Variants in CSMD1 observed in about 807,000 individuals in gnomAD.
CSMD1 encodes the protein CUB and Sushi multiple domains 1.
CSMD1 carries 213 observed loss-of-function variants against 417.5 expected under a neutral mutation model. The observed-to-expected ratio is 0.51, with a 90% CI of 0.46 to 0.57. The LOEUF is 0.57. Among genes scored for constraint, CSMD1 ranks in the 20% least tolerant of loss-of-function variants. The pLI is 0.00. For missense variants in CSMD1, 6,923 were observed against 4,529.7 expected, an observed-to-expected ratio of 1.53 and a Z score of -15.17; for synonymous variants, 2,862 against 1,736.8, an observed-to-expected ratio of 1.65 and a Z score of -16.11.
chr8:3,360,946 T>G (rs1809122654), intron 20 of CSMD1, among the ~76,000 whole-genome samples: 2 of 152,104 alleles, frequency 1.3e-5, no homozygotes, highest in African/African-American at 4.8e-5. Context: ...TATGGAACTC[T>G]GTACCTAAAC....
At chr8:3,773,342 G>A (rs1798719196) in intron 5 of CSMD1, among the ~76,000 whole-genome samples, 1 of 152,262 alleles carries the variant, frequency 6.6e-6, no homozygotes, top group East Asian at 1.9e-4. Context: ...GGAGTGCAGT[G>A]GTGCACTCTC....
intron 10 of CSMD1, among the ~76,000 whole-genome samples, chr8:3,517,005 T>G (rs1410513977): frequency 6.6e-6 from 1 of 152,144 alleles, no homozygotes; most frequent in African/African-American, 2.4e-5. Flanking sequence ...GGGCACTGGT[T>G]AGGTGTCATG....
chr8:3,098,191 G>C (rs576564997), intron 46 of CSMD1, among the ~76,000 whole-genome samples: 3 of 152,154 alleles, frequency 2.0e-5, no homozygotes, highest in Non-Finnish European at 2.9e-5. Flanking sequence ...TACTTGTAGA[G>C]TGTTAAGAGT....
intron 1 of CSMD1, among the ~76,000 whole-genome samples, chr8:4,715,710 A>G (rs73659192): frequency 2.0e-5 from 3 of 152,204 alleles, no homozygotes; most frequent in South Asian, 2.1e-4. Flanking sequence ...CTCAAACACC[A>G]AGGTATCACC....
At chr8:4,332,158 A>G (rs143633434) in intron 3 of CSMD1, among the ~76,000 whole-genome samples, 35 of 152,264 alleles carry the variant, frequency 2.3e-4, no homozygotes, top group African/African-American at 7.5e-4. Context: ...TGCTTAGGTC[A>G]TGGAGCAAAC....
chr8:4,200,785 G>T (rs781692804), intron 3 of CSMD1, among the ~76,000 whole-genome samples: 2 of 152,186 alleles, frequency 1.3e-5, no homozygotes, highest in East Asian at 1.9e-4. Context: ...TTTGTTAATG[G>T]AGACGGAGGC....
intron 5 of CSMD1, among the ~76,000 whole-genome samples, chr8:3,908,902 C>G (rs1033013810): frequency 2.0e-5 from 3 of 152,184 alleles, no homozygotes; most frequent in Non-Finnish European, 4.4e-5. Context: ...AGAGGAAGAT[C>G]ACTCATGCAT....
chr8:4,279,927 G>A (rs144415241), intron 3 of CSMD1, among the ~76,000 whole-genome samples: 62 of 152,216 alleles, frequency 4.1e-4, no homozygotes, highest in African/African-American at 1.4e-3. Context: ...ATTAAGCAAA[G>A]ATACAAATCA....
chr8:3,087,402 A>G, intron 48 of CSMD1, 117 bp from the exon 49 acceptor site: 3 of 1,047,204 alleles, frequency 2.9e-6, no homozygotes, highest in Non-Finnish European at 2.9e-6. Flanking sequence ...GTAGGAAATG[A>G]GCACCAGTAT....
intron 2 of CSMD1, among the ~76,000 whole-genome samples, chr8:4,479,977 A>AT (rs1444603468): frequency 0.012 from 1,879 of 151,672 alleles, 36 homozygotes; most frequent in African/African-American, 0.043. Context: ...AAAAAAAAAA[A>AT]AAATAAAAAG....
chr8:4,498,586 T>A (rs1322896350), intron 2 of CSMD1, among the ~76,000 whole-genome samples: 1 of 152,212 alleles, frequency 6.6e-6, no homozygotes, highest in South Asian at 2.1e-4. Context: ...GATGATTCAA[T>A]TATAAAATAG....
At chr8:4,618,518 T>C (rs1157987620) in intron 2 of CSMD1, among the ~76,000 whole-genome samples, 1 of 152,140 alleles carries the variant, frequency 6.6e-6, no homozygotes, top group Non-Finnish European at 1.5e-5. Context: ...AGTTTTTCTC[T>C]AGCTCTGTGT....
At chr8:4,266,482 A>G (rs1306594801) in intron 3 of CSMD1, among the ~76,000 whole-genome samples, 1 of 104,934 alleles carries the variant, frequency 9.5e-6, no homozygotes, top group Admixed American at 9.0e-5. Flanking sequence ...GATAAAATTT[A>G]TAACTCTGTC....
chr8:4,253,613 G>C (rs1803235722), intron 3 of CSMD1, among the ~76,000 whole-genome samples: 1 of 152,122 alleles, frequency 6.6e-6, no homozygotes, highest in African/African-American at 2.4e-5. Context: ...TATCTGTCAA[G>C]TAAAAGACTG....
At chr8:3,832,828 A>T (rs531239099) in intron 5 of CSMD1, among the ~76,000 whole-genome samples, 2 of 152,306 alleles carry the variant, frequency 1.3e-5, no homozygotes, top group Admixed American at 1.3e-4. Flanking sequence ...AATAAAAATC[A>T]ATTTGTATGG....
intron 39 of CSMD1, among the ~76,000 whole-genome samples, chr8:3,157,300 C>T (rs148121305): frequency 6.6e-6 from 1 of 152,132 alleles, no homozygotes; most frequent in Non-Finnish European, 1.5e-5. Context: ...CCACCACCTT[C>T]AATGCCCCTG....
At chr8:4,862,460 A>G (rs1802194051) in intron 1 of CSMD1, among the ~76,000 whole-genome samples, 2 of 152,090 alleles carry the variant, frequency 1.3e-5, no homozygotes, top group East Asian at 3.9e-4. Context: ...GACTACATTA[A>G]AAGTAAAAAG....
chr8:4,472,591 A>G (rs1161779245), intron 2 of CSMD1, among the ~76,000 whole-genome samples: 1 of 152,130 alleles, frequency 6.6e-6, no homozygotes, highest in Non-Finnish European at 1.5e-5. Flanking sequence ...ATCACTTTGA[A>G]AAGTTAAAAT....
intron 3 of CSMD1, among the ~76,000 whole-genome samples, chr8:4,306,834 T>TA (rs1287259071): frequency 3.1e-5 from 2 of 64,054 alleles, no homozygotes; most frequent in East Asian, 7.0e-4. Flanking sequence ...ATCTCCAGAT[T>TA]TAAAAAAAAT....
Sources: gnomAD v4.1 joint callset for allele counts (sites outside exome capture counted in the v4.1 genomes callset) on GRCh38, gnomAD v4.1.1 for gene constraint, MANE v1.5 for transcripts, NCBI Gene and HGNC (gene_info 2026-07-23, HGNC 2026-07-21) for gene names.